SGCZ: variants seen among roughly 807,000 people sequenced by gnomAD.
SGCZ encodes sarcoglycan zeta, also known as zeta-sarcoglycan.
In SGCZ, 40 loss-of-function variants were observed where a neutral mutation model predicts 41.3. The observed-to-expected ratio is 0.97, with a 90% CI of 0.75 to 1.26. The LOEUF is 1.26. Among genes scored for constraint, SGCZ ranks in the 50% most tolerant of loss-of-function variants. The pLI is 0.00. For synonymous variants in SGCZ, 206 were observed against 137.5 expected (o/e 1.50, Z -3.49); for missense variants, 552 against 369.8 (o/e 1.49, Z -4.04).
intron 3 of SGCZ, among the ~76,000 whole-genome samples, chr8:14,286,196 A>G (rs1205444846): frequency 6.6e-6 from 1 of 152,136 alleles, no homozygotes; most frequent in Non-Finnish European, 1.5e-5. Context: ...TCTATGGGAT[A>G]CCAAAGTGCT....
intron 1 of SGCZ, among the ~76,000 whole-genome samples, chr8:14,881,082 C>A (rs2130723204): frequency 6.6e-6 from 1 of 152,198 alleles, no homozygotes; most frequent in South Asian, 2.1e-4. Flanking sequence ...TCTTTGAACT[C>A]ATTTCCCTCA....
chr8:14,090,400 C>T lies in SGCZ; in HGVS notation c.*43G>A. 1 of 1,582,764 alleles carries T rather than the reference C, an allele frequency of 6.3e-7. No individual in the cohort carries two copies. Among genetic ancestry groups the T allele is most frequent in the Non-Finnish European group, 8.6e-7 (1 of 1,163,444 alleles). ...CGAGCAGAACTGTGAAGCAGACGGA[C>T]AGGAACAAAAGGCTATTCTGGTGTG... On this transcript the variant is annotated 3_prime_UTR_variant, in exon 8 of 8. Transcript: ENST00000382080.
chr8:14,735,780 T>C (rs1350015724), intron 1 of SGCZ, among the ~76,000 whole-genome samples: 5 of 152,094 alleles, frequency 3.3e-5, no homozygotes, highest in African/African-American at 1.2e-4. Flanking sequence ...TATAAATATA[T>C]TAGTATAACA....
At chr8:15,065,372 T>C (rs1184450333) in intron 1 of SGCZ, among the ~76,000 whole-genome samples, 1 of 151,646 alleles carries the variant, frequency 6.6e-6, no homozygotes, top group Non-Finnish European at 1.5e-5. Context: ...ACCCTATGCT[T>C]ACTGCTATTA....
Position 14,320,716 on chromosome 8 carries a change from G to A in SGCZ, c.336+3387C>T, listed in dbSNP as rs112711680. On this transcript the variant is annotated intron_variant, in intron 3 of 7. Transcript: ENST00000382080. ...TGATGTGCTTAACTGTGGAGTTACT[G>A]GAATTTGAATTATCTGGTAGTAGTT... Among the ~76,000 whole-genome samples, 13 of 152,060 alleles carry A rather than the reference G, an allele frequency of 8.5e-5. 2 individuals carry two copies. The highest frequency in any genetic ancestry group is 3.1e-4 in the African/African-American group (13 of 41,518).
At chr8:14,750,927 G>T (rs1799478629) in intron 1 of SGCZ, among the ~76,000 whole-genome samples, 1 of 152,158 alleles carries the variant, frequency 6.6e-6, no homozygotes, top group Non-Finnish European at 1.5e-5. Context: ...GAAAACGGTA[G>T]TCAGAAAGCA....
chr8:14,368,280 T>C (rs915069077), intron 2 of SGCZ, among the ~76,000 whole-genome samples: 22 of 152,086 alleles, frequency 1.4e-4, no homozygotes, highest in Admixed American at 1.4e-3. Context: ...CTGCATTTCA[T>C]TAATCTTGTC....
intron 2 of SGCZ, among the ~76,000 whole-genome samples, chr8:14,461,848 G>A (rs1800910588): frequency 6.6e-6 from 1 of 152,160 alleles, no homozygotes; most frequent in Non-Finnish European, 1.5e-5. Context: ...TACACTCTAA[G>A]CTCTTTCAGG....
At chr8:15,166,255 T>TC (rs1799662045) in intron 1 of SGCZ, among the ~76,000 whole-genome samples, 1 of 151,068 alleles carries the variant, frequency 6.6e-6, no homozygotes, top group African/African-American at 2.4e-5. Context: ...TTTTTTTTTT[T>TC]TTCTTTTTTT....
At chr8:14,531,792 C>A (rs12541731) in intron 2 of SGCZ, among the ~76,000 whole-genome samples, 1 of 151,932 alleles carries the variant, frequency 6.6e-6, no homozygotes, top group African/African-American at 2.4e-5. Context: ...AGACCATCCA[C>A]TAGGAATGTC....
rs144862014 is a variant in SGCZ at position 14,797,356 on chromosome 8, G to A, written c.40-242430C>T. The stretch of plus-strand genomic sequence containing the variant: ...AGCTGAGATGGTCTCAGATGGAGAC[G>A]AGGAACTTGTTGGTAAATGGAGCAA... On this transcript the variant is annotated intron_variant, in intron 1 of 7. Coordinates refer to ENST00000382080, the MANE Select transcript of SGCZ (RefSeq NM_139167.4). Among the ~76,000 whole-genome samples the A allele has an allele frequency of 5.5e-3, 844 of 152,216 alleles. 4 individuals are homozygous for A. The highest frequency in any genetic ancestry group is 0.01 in the African/African-American group (426 of 41,544).
intron 3 of SGCZ, among the ~76,000 whole-genome samples, chr8:14,276,192 G>C (rs7832483): frequency 0.22 from 32,891 of 152,028 alleles, 3,748 homozygotes; most frequent in East Asian, 0.3. Flanking sequence ...AAATTATTTT[G>C]TCATGCTTCT....
At chr8:14,538,971 C>A (rs911432563) in intron 2 of SGCZ, among the ~76,000 whole-genome samples, 1 of 151,908 alleles carries the variant, frequency 6.6e-6, no homozygotes, top group African/African-American at 2.4e-5. Flanking sequence ...CCAAAGTACC[C>A]AGATATTTTG....
At chr8:14,747,879 A>ATTTTTTTTTTTT (rs375144725) in intron 1 of SGCZ, among the ~76,000 whole-genome samples, 2 of 130,336 alleles carry the variant, frequency 1.5e-5, no homozygotes, top group Non-Finnish European at 3.2e-5. Flanking sequence ...CAACTGACTA[A>ATTTTTTTTTTTT]TTTTTTTTTT....
intron 4 of SGCZ, among the ~76,000 whole-genome samples, chr8:14,189,508 G>C (rs1413761599): frequency 1.3e-5 from 2 of 152,088 alleles, no homozygotes; most frequent in Non-Finnish European, 2.9e-5. Context: ...TACACACACA[G>C]GCTTTTACAC....
intron 1 of SGCZ, among the ~76,000 whole-genome samples, chr8:14,989,243 G>T (rs1196000004): frequency 6.6e-6 from 1 of 152,182 alleles, no homozygotes; most frequent in Non-Finnish European, 1.5e-5. Context: ...TATGTCAGTA[G>T]TAATGGAGAA....
At position 14,508,592 on chromosome 8, in the gene SGCZ, C is replaced by A. The variant is rs540883304; in HGVS notation, c.234+46140G>T. On this transcript the variant is annotated intron_variant, in intron 2 of 7. Coordinates refer to ENST00000382080, the MANE Select transcript of SGCZ (RefSeq NM_139167.4). The stretch of plus-strand genomic sequence containing the variant: ...CATATCAATGGGGAAAATGAAAATT[C>A]CATAAATGTGCCTTGGTGGGTCACT... 2.0e-5 allele frequency among the ~76,000 whole-genome samples: 3 copies of A among 152,178 alleles called. No homozygotes were observed. The South Asian group carries it at 6.2e-4, about 32-fold the overall frequency.
chr8:14,570,467 T>A lies in SGCZ; in HGVS notation c.40-15541A>T, dbSNP rs569775302. On this transcript the variant is annotated intron_variant, in intron 1 of 7. Transcript: ENST00000382080. ...AGTGGTTTATTTATGCAAGGGTAGA[T>A]TCACCTACCTTAGAAACTTATGTAA... 2.6e-5 allele frequency among the ~76,000 whole-genome samples: 4 copies of A among 152,320 alleles called. No individual in the cohort carries two copies. In the East Asian group the frequency reaches 7.7e-4, roughly 29 times the overall value.
At chr8:15,188,118 A>G (rs1046151333) in intron 1 of SGCZ, among the ~76,000 whole-genome samples, 2 of 152,028 alleles carry the variant, frequency 1.3e-5, no homozygotes, top group African/African-American at 4.8e-5. Flanking sequence ...AATGGATTCA[A>G]ATACTCTTTA....
Sources: allele counts gnomAD v4.1 joint callset (sites outside exome capture counted in the v4.1 genomes callset), GRCh38; gene constraint gnomAD v4.1.1; transcripts MANE v1.5; gene names NCBI Gene and HGNC (gene_info 2026-07-23, HGNC 2026-07-21).